EXOC4: variants seen among roughly 807,000 people sequenced by gnomAD.
EXOC4 encodes SEC8-like 1.
In EXOC4, 71 loss-of-function variants were observed where a neutral mutation model predicts 107.2. The observed-to-expected ratio is 0.66, with a 90% confidence interval of 0.55 to 0.81. The LOEUF is 0.81. Ranked by LOEUF, EXOC4 falls within the 30% of genes least tolerant of loss-of-function variation. The pLI, the probability that EXOC4 is intolerant of heterozygous loss-of-function variation, is 0.00. For synonymous variants in EXOC4, 456 were observed against 441.2 expected (o/e 1.03, Z -0.42); for missense variants, 1,108 against 1,189.6 (o/e 0.93, Z 1.01).
At chr7:133,295,308 C>T (rs867621258) in intron 3 of EXOC4, among the ~76,000 whole-genome samples, 2 of 151,992 alleles carry the variant, frequency 1.3e-5, no homozygotes, top group Non-Finnish European at 2.9e-5. Flanking sequence ...GAAAGCAATT[C>T]TAGTCTTCTC....
intron 5 of EXOC4, among the ~76,000 whole-genome samples, chr7:133,340,561 C>G (rs1795638148): frequency 6.6e-6 from 1 of 151,336 alleles, no homozygotes; most frequent in Non-Finnish European, 1.5e-5. Context: ...AGGGAGGATT[C>G]TCTCTTTTTC....
In EXOC4 at chr7:133,721,420, G is replaced by C. The variant is rs113734678; in HGVS notation, c.1514+91279G>C. ...GAGATTCTCATAATTTGAAACCAGG[G>C]TGGTGTGTCAGAAAAACGATACGTT... On this transcript the variant is annotated intron_variant, in intron 10 of 17. Coordinates refer to ENST00000253861, the MANE Select transcript of EXOC4 (RefSeq NM_021807.4). Among the ~76,000 whole-genome samples the C allele has an allele frequency of 2.3e-3, 356 of 152,260 alleles. 2 individuals carry two copies. The highest frequency in any genetic ancestry group is 8.0e-3 in the African/African-American group (334 of 41,560).
intron 10 of EXOC4, among the ~76,000 whole-genome samples, chr7:133,744,304 C>T (rs933743403): frequency 6.6e-6 from 1 of 152,088 alleles, no homozygotes; most frequent in Non-Finnish European, 1.5e-5. Context: ...CCCTCATCAC[C>T]GCTGCCCCCT....
intron 9 of EXOC4, among the ~76,000 whole-genome samples, chr7:133,503,890 G>A (rs1355514989): frequency 6.6e-6 from 1 of 152,034 alleles, no homozygotes; most frequent in East Asian, 1.9e-4. Flanking sequence ...TCAGATTAGA[G>A]GGGTGGGGAG....
chr7:133,764,196 C>T (rs1014628486), intron 10 of EXOC4, among the ~76,000 whole-genome samples: 6 of 152,020 alleles, frequency 3.9e-5, no homozygotes, highest in African/African-American at 1.4e-4. Flanking sequence ...GCTCATCCTG[C>T]AGCCCACATT....
At chr7:133,631,710 A>G (rs1450597614) in intron 10 of EXOC4, among the ~76,000 whole-genome samples, 2 of 152,098 alleles carry the variant, frequency 1.3e-5, no homozygotes, top group Non-Finnish European at 2.9e-5. Context: ...TACTATATGT[A>G]TATAATAAGT....
intron 9 of EXOC4, among the ~76,000 whole-genome samples, chr7:133,579,331 A>G (rs1182100661): frequency 6.6e-6 from 1 of 152,190 alleles, no homozygotes; most frequent in East Asian, 1.9e-4. Flanking sequence ...CTTATAATTC[A>G]TCATTTCTTT....
intron 5 of EXOC4, among the ~76,000 whole-genome samples, chr7:133,321,119 C>A (rs1055466017): frequency 6.6e-6 from 1 of 151,978 alleles, no homozygotes; most frequent in African/African-American, 2.4e-5. Context: ...TTAGGGAATC[C>A]CTGGGGAGTA....
At position 133,616,222 on chromosome 7, in the gene EXOC4, A is replaced by T. The variant is rs543687055; in HGVS notation, c.1418-13823A>T. Among the ~76,000 whole-genome samples the T allele has an allele frequency of 2.6e-5, 4 of 152,166 alleles. No individual in the cohort carries two copies. The East Asian group carries it at 7.7e-4, about 29-fold the overall frequency. ...TTTTGTCTTGTTGGAAGGCTTTTTTATTCCTTTGGTTTATCTTGTAATAGC... is the reference window on the plus strand; with the variant it reads ...TTTTGTCTTGTTGGAAGGCTTTTTTTTTCCTTTGGTTTATCTTGTAATAGC... On this transcript the variant is annotated intron_variant, in intron 9 of 17. Coordinates refer to ENST00000253861, the MANE Select transcript of EXOC4 (RefSeq NM_021807.4).
chr7:133,525,320 G>C (rs558483100), intron 9 of EXOC4, among the ~76,000 whole-genome samples: 1 of 152,260 alleles, frequency 6.6e-6, no homozygotes, highest in South Asian at 2.1e-4. Flanking sequence ...AGATCAGCTA[G>C]GCCATTTCAA....
intron 7 of EXOC4, among the ~76,000 whole-genome samples, chr7:133,416,490 G>A (rs1048702079): frequency 1.3e-5 from 2 of 152,120 alleles, no homozygotes; most frequent in Admixed American, 6.5e-5. Flanking sequence ...TTCTATAATA[G>A]CACTGCCAAC....
At chr7:133,825,646 T>A (rs1189658217) in intron 11 of EXOC4, among the ~76,000 whole-genome samples, 1 of 152,218 alleles carries the variant, frequency 6.6e-6, no homozygotes, top group Non-Finnish European at 1.5e-5. Context: ...AGTAGCGTAT[T>A]GTTTTCATCA....
chr7:133,743,285 GCCTGATTGAAGGC>G (rs369734004), intron 10 of EXOC4, among the ~76,000 whole-genome samples: 1 of 152,122 alleles, frequency 6.6e-6, no homozygotes, highest in African/African-American at 2.4e-5. Context: ...GAAAAATAGG[GCCTGATTGAAGGC>G]CCTGATTGAA....
chr7:133,286,358 T>G (rs1003299822), intron 2 of EXOC4, among the ~76,000 whole-genome samples: 5 of 152,248 alleles, frequency 3.3e-5, no homozygotes, highest in Non-Finnish European at 7.3e-5. Context: ...TAATAGCTTC[T>G]GTTATTTTTC....
At chr7:133,414,991 ATGTATTTGCCTAC>A (rs1424265208) in intron 7 of EXOC4, among the ~76,000 whole-genome samples, 1 of 152,120 alleles carries the variant, frequency 6.6e-6, no homozygotes, top group Non-Finnish European at 1.5e-5. Flanking sequence ...CTCTGTCTCT[ATGTATTTGCCTAC>A]TGACATTTCA....
the EXOC4 span, among the ~76,000 whole-genome samples, chr7:134,091,496 G>A: frequency 3.3e-5 from 5 of 152,172 alleles, no homozygotes; most frequent in Non-Finnish European, 7.4e-5. Context: ...TTTATGACCT[G>A]TATCTTGTGC....
chr7:133,784,341 A>C (rs550115860), intron 10 of EXOC4, among the ~76,000 whole-genome samples: 80 of 152,288 alleles, frequency 5.3e-4, no homozygotes, highest in Middle Eastern at 3.4e-3. Flanking sequence ...AATACACCTT[A>C]ATAATTATTC....
intron 5 of EXOC4, among the ~76,000 whole-genome samples, chr7:133,320,867 T>G (rs1266470265): frequency 6.6e-6 from 1 of 152,310 alleles, no homozygotes; most frequent in East Asian, 1.9e-4. Context: ...TAAGTACATA[T>G]AAAAGTATGG....
chr7:133,893,122 C>T lies in EXOC4; in HGVS notation c.1735-2477C>T, dbSNP rs1340245007. Reference sequence around the variant, plus strand: ...AATCTGGGTGCTCCTGTATTGGGTGCATGTATATTTAGGATAGTTAGCTCC... The same window carrying T: ...AATCTGGGTGCTCCTGTATTGGGTGTATGTATATTTAGGATAGTTAGCTCC... On this transcript the variant is annotated intron_variant, in intron 11 of 17. Transcript: ENST00000253861. Among the ~76,000 whole-genome samples the T allele has an allele frequency of 2.5e-5, 2 of 79,062 alleles. 1 individual carries two copies. Among genetic ancestry groups the T allele is most frequent in the Non-Finnish European group, 4.4e-5 (2 of 45,808 alleles). The allele number at this position is 79,062 out of a possible 152,430, so 51.9% of individuals were successfully genotyped here. A position where few individuals can be genotyped will look rare whatever the true frequency, so the allele number is the denominator to read the frequency against.
Sources: allele counts gnomAD v4.1 joint callset (sites outside exome capture counted in the v4.1 genomes callset), GRCh38; gene constraint gnomAD v4.1.1; transcripts MANE v1.5; gene names NCBI Gene and HGNC (gene_info 2026-07-23, HGNC 2026-07-21).